Variants in TRIM71 observed in about 807,000 individuals in gnomAD.
TRIM71 encodes the protein E3 ubiquitin-protein ligase TRIM71.
TRIM71 carries 9 observed loss-of-function variants against 61.2 expected under a neutral mutation model. That is an observed-to-expected ratio of 0.15 (90% CI 0.09 to 0.26). The LOEUF (loss-of-function observed/expected upper bound fraction) is 0.26, where lower values mean the gene tolerates loss of function less well. Among genes scored for constraint, TRIM71 ranks in the 10% least tolerant of loss-of-function variants. The pLI is 1.00. For synonymous variants in TRIM71, 645 were observed against 553.2 expected (o/e 1.17, Z -2.33); for missense variants, 998 against 1,238.7 (o/e 0.81, Z 2.92).
At chr3:32,824,349 TTTTC>T (rs1010486672) in intron 1 of TRIM71, among the ~76,000 whole-genome samples, 6 of 151,798 alleles carry the variant, frequency 4.0e-5, no homozygotes, top group African/African-American at 9.7e-5. Context: ...GGCTAATTTT[TTTTC>T]TTTCTTTTTT....
rs1212280623 is a variant in TRIM71, at chr3:32,865,798, C to G, written c.853-8020C>G. ...TTTAATTTGCCGCCCGCCGGCCCCC[C>G]CCCCCCCCCGCCCCACCTTTTTTTT... On this transcript the variant is annotated intron_variant, in intron 1 of 3. Coordinates refer to ENST00000383763, the MANE Select transcript of TRIM71 (RefSeq NM_001039111.3). Among the ~76,000 whole-genome samples, 321 of 34,514 alleles carry G rather than the reference C, an allele frequency of 9.3e-3. 1 individual carries two copies. Among genetic ancestry groups the G allele is most frequent in the Admixed American group, 0.012 (30 of 2,552 alleles). 22.6% of individuals were successfully genotyped at this position (34,514 alleles called of 152,430 possible).
chr3:32,849,341 T>C (rs1327544496), intron 1 of TRIM71, among the ~76,000 whole-genome samples: 1 of 152,046 alleles, frequency 6.6e-6, no homozygotes, highest in Non-Finnish European at 1.5e-5. Context: ...GGATCTTGCA[T>C]AGGGCCTGGA....
At position 32,896,139 on chromosome 3, in the gene TRIM71, A is replaced by T. The variant is rs1697075215; in HGVS notation, c.*4328A>T. 1 of 152,248 alleles carries T rather than the reference A, an allele frequency of 6.6e-6. No individual in the cohort carries two copies. The highest frequency in any genetic ancestry group is 2.1e-4 in the South Asian group (1 of 4,834). 9.4% of individuals were successfully genotyped at this position (152,248 alleles called of 1,614,324 possible). A position where few individuals can be genotyped will look rare whatever the true frequency, so the allele number is the denominator to read the frequency against. ...TGACCTATTGGAGGACTTAACTACA[A>T]ATAAAGACCTTTAGGTCTCTTTCTC... On this transcript the variant is annotated 3_prime_UTR_variant, in exon 4 of 4. Transcript: ENST00000383763.
intron 1 of TRIM71, among the ~76,000 whole-genome samples, chr3:32,837,936 A>C (rs1053287937): frequency 6.6e-6 from 1 of 152,222 alleles, no homozygotes; most frequent in Non-Finnish European, 1.5e-5. Context: ...GCCAGGGCAC[A>C]TTGTTTTCCT....
intron 1 of TRIM71, among the ~76,000 whole-genome samples, chr3:32,844,758 C>G (rs1249604111): frequency 6.6e-6 from 1 of 152,108 alleles, no homozygotes; most frequent in Non-Finnish European, 1.5e-5. Flanking sequence ...GTCGGTTAAC[C>G]AACTTCAAGC....
At chr3:32,845,670 A>G (rs1029228407) in intron 1 of TRIM71, among the ~76,000 whole-genome samples, 46 of 152,032 alleles carry the variant, frequency 3.0e-4, no homozygotes, top group African/African-American at 1.0e-3. Flanking sequence ...GGGATCTTTC[A>G]TGAGGTTACT....
intron 2 of TRIM71, among the ~76,000 whole-genome samples, chr3:32,881,465 G>A (rs1039523690): frequency 6.6e-6 from 1 of 152,102 alleles, no homozygotes; most frequent in Admixed American, 6.5e-5. Context: ...ATCACTGATC[G>A]ATATCTATAT....
At position 32,895,751 on chromosome 3, in the gene TRIM71, T is replaced by G. The variant is rs1697070519; in HGVS notation, c.*3940T>G. On this transcript the variant is annotated 3_prime_UTR_variant, in exon 4 of 4. Transcript: ENST00000383763. ...GCCTCCAGAGCTCTACGGCTTTCTC[T>G]GGTTTTCTATAGGGCCAAGGGCACA... 1 of 152,260 alleles carries G rather than the reference T, an allele frequency of 6.6e-6. No homozygotes were observed. Among genetic ancestry groups the G allele is most frequent in the Admixed American group, 6.5e-5 (1 of 15,278 alleles). The allele number at this position is 152,260 out of a possible 1,614,324, so 9.4% of individuals were successfully genotyped here.
In TRIM71 at chr3:32,818,141, T is replaced by C. The variant is rs1696077413; in HGVS notation, c.61T>C (p.Ser21Pro). 1.2e-6 allele frequency: 2 copies of C among 1,610,990 alleles called. No homozygotes were observed. Among genetic ancestry groups the C allele is most frequent in the Non-Finnish European group, 1.7e-6 (2 of 1,178,748 alleles). The change falls in exon 1 of 4, where the codon TCG (serine) becomes CCG (proline). Residue 21 changes from serine to proline, a missense_variant. Physicochemically the swap from Ser to Pro is moderately conservative, Grantham distance 74 (BLOSUM62 -1). Around this residue, in one of 5 missense-constraint regions of TRIM71, gnomAD observed 527 missense variants for 427.8 expected, o/e 1.23. Transcript: ENST00000383763. ...CTTGCTGTGCAAGGAGATGTGCGGC[T>C]CGCCGGCGCCGCTCTCCTCCAACTC... Reference protein sequence around the residue: ...ICLLCKEMCGSPAPLSSNSSA... With the variant: ...ICLLCKEMCGPPAPLSSNSSA...
At chr3:32,820,732 CT>C (rs1559535463) in intron 1 of TRIM71, among the ~76,000 whole-genome samples, 1 of 152,186 alleles carries the variant, frequency 6.6e-6, no homozygotes, top group Admixed American at 6.5e-5. Flanking sequence ...GATTTATTCA[CT>C]TTTAAAATTA....
intron 1 of TRIM71, among the ~76,000 whole-genome samples, chr3:32,819,732 A>G (rs1436874321): frequency 6.6e-6 from 1 of 151,900 alleles, no homozygotes; most frequent in Non-Finnish European, 1.5e-5. Context: ...CACCAGCCTG[A>G]GTCTCTTGGG....
Position 32,892,951 on chromosome 3 carries a change from G to A in TRIM71, c.*1140G>A, listed in dbSNP as rs968239392. On this transcript the variant is annotated 3_prime_UTR_variant, in exon 4 of 4. Transcript: ENST00000383763. ...AAGGGCAGGGTCTGCCCTGACCCGC[G>A]AGTGCATGTTGTTCTGTAGTGCTAG... is the stretch of plus-strand genomic sequence containing the variant. The A allele has an allele frequency of 1.3e-5, 2 of 152,148 alleles. No homozygotes were observed. Among genetic ancestry groups the A allele is most frequent in the African/African-American group, 2.4e-5 (1 of 41,422 alleles). 9.4% of individuals were successfully genotyped at this position (152,148 alleles called of 1,614,324 possible). A position where few individuals can be genotyped will look rare whatever the true frequency, so the allele number is the denominator to read the frequency against.
At chr3:32,837,161 A>G (rs1395213986) in intron 1 of TRIM71, among the ~76,000 whole-genome samples, 1 of 152,184 alleles carries the variant, frequency 6.6e-6, no homozygotes, top group African/African-American at 2.4e-5. Context: ...TGGATAATGT[A>G]ATTGTTCTTA....
intron 1 of TRIM71, among the ~76,000 whole-genome samples, chr3:32,841,971 C>A (rs147187769): frequency 2.6e-5 from 4 of 152,136 alleles, no homozygotes; most frequent in African/African-American, 9.7e-5. Flanking sequence ...TTGGAACTCA[C>A]GCCATACACC....
intron 1 of TRIM71, among the ~76,000 whole-genome samples, chr3:32,864,687 C>T (rs1213653369): frequency 6.6e-6 from 1 of 152,216 alleles, no homozygotes; most frequent in Non-Finnish European, 1.5e-5. Context: ...GCCCTCAGGG[C>T]TCAGGCTCAG....
intron 1 of TRIM71, among the ~76,000 whole-genome samples, chr3:32,847,371 T>G (rs1696487750): frequency 6.6e-6 from 1 of 152,088 alleles, no homozygotes; most frequent in Non-Finnish European, 1.5e-5. Flanking sequence ...TAATTTTGTA[T>G]TTTTAGTAGA....
rs1696092540 is a variant in TRIM71, at chr3:32,818,739, G to A, written c.659G>A (p.Cys220Tyr). Residue 220 changes from cysteine to tyrosine, a missense_variant, in exon 1 of 4, where the codon TGC becomes TAC. This residue lies in a region of TRIM71 where 527 missense variants were observed against 427.8 expected (regional missense o/e 1.23). Coordinates refer to ENST00000383763, the MANE Select transcript of TRIM71 (RefSeq NM_001039111.3). ...TGCCTCGACTGCCAGGAGCACCTGTGCGACAACTGCGTCCGAGCGCACCAG... is the reference window on the plus strand; with the variant it reads ...TGCCTCGACTGCCAGGAGCACCTGTACGACAACTGCGTCCGAGCGCACCAG... ...SRCLDCQEHL[C>Y]DNCVRAHQRV... The A allele has an allele frequency of 5.0e-6, 8 of 1,601,904 alleles. No homozygotes were observed. The highest frequency in any genetic ancestry group is 6.8e-6 in the Non-Finnish European group (8 of 1,177,938).
intron 1 of TRIM71, among the ~76,000 whole-genome samples, chr3:32,830,728 G>A (rs1439563069): frequency 1.3e-5 from 2 of 152,168 alleles, no homozygotes; most frequent in African/African-American, 2.4e-5. Context: ...GATGCCCAAA[G>A]TCTGCCTTCA....
In TRIM71 at chr3:32,892,134, C is replaced by G. The variant is rs941702264; in HGVS notation, c.*323C>G. 22 of 272,972 alleles carry G rather than the reference C, an allele frequency of 8.1e-5. No homozygotes were observed. The highest frequency in any genetic ancestry group is 4.6e-4 in the African/African-American group (20 of 43,062). The allele number at this position is 272,972 out of a possible 1,614,324, so 16.9% of individuals were successfully genotyped here. ...CCTCCTCAGTGGAGTTTGCATTTCCCTCTTCCCCTGCGTGGGGCATGATAT... is the reference window on the plus strand; with the variant it reads ...CCTCCTCAGTGGAGTTTGCATTTCCGTCTTCCCCTGCGTGGGGCATGATAT... On this transcript the variant is annotated 3_prime_UTR_variant, in exon 4 of 4. Transcript: ENST00000383763.
Sources: allele counts gnomAD v4.1 joint callset (sites outside exome capture counted in the v4.1 genomes callset), GRCh38; gene constraint gnomAD v4.1.1; regional missense constraint gnomAD v4.1.1; transcripts MANE v1.5; gene names NCBI Gene and HGNC (gene_info 2026-07-23, HGNC 2026-07-21).